LMBR1: variants seen among roughly 807,000 people sequenced by gnomAD.
The protein encoded by LMBR1 is limb region 1 protein homolog.
LMBR1 carries 52 observed loss-of-function variants against 73.9 expected under a neutral mutation model. The observed-to-expected ratio is 0.70, with a 90% CI of 0.56 to 0.89. The LOEUF is 0.89. LMBR1 is among the 40% of genes least tolerant of loss of function. The pLI, the probability that LMBR1 is intolerant of heterozygous loss-of-function variation, is 0.00. For synonymous variants in LMBR1, 215 were observed against 209.4 expected, an observed-to-expected ratio of 1.03 and a Z score of -0.23; for missense variants, 539 against 579.8, an observed-to-expected ratio of 0.93 and a Z score of 0.72.
At chr7:156,801,978 C>T (rs1384411981) in intron 4 of LMBR1, among the ~76,000 whole-genome samples, 1 of 152,152 alleles carries the variant, frequency 6.6e-6, no homozygotes, top group African/African-American at 2.4e-5. Flanking sequence ...ATAAATTCCA[C>T]CATTTCCTAA....
At chr7:156,684,475 C>T (rs745882976) in intron 16 of LMBR1, among the ~76,000 whole-genome samples, 10 of 152,164 alleles carry the variant, frequency 6.6e-5, no homozygotes, top group Non-Finnish European at 1.3e-4. Flanking sequence ...TCACAACATC[C>T]CCGAGGGCCA....
chr7:156,713,781 T>C (rs1812610385), intron 15 of LMBR1, among the ~76,000 whole-genome samples: 1 of 152,200 alleles, frequency 6.6e-6, no homozygotes, highest in Non-Finnish European at 1.5e-5. Flanking sequence ...TATACCTCAA[T>C]AAAGCTGTTA....
chr7:156,839,180 G>T (rs1421994508), intron 1 of LMBR1, among the ~76,000 whole-genome samples: 1 of 151,216 alleles, frequency 6.6e-6, no homozygotes, highest in African/African-American at 2.4e-5. Flanking sequence ...CTCCCAAGTG[G>T]CTGGGACTAC....
chr7:156,734,919 C>T (rs1419034127), intron 9 of LMBR1, among the ~76,000 whole-genome samples: 3 of 152,158 alleles, frequency 2.0e-5, no homozygotes, highest in Non-Finnish European at 4.4e-5. Context: ...ATGTTTTACA[C>T]GAATGGGGTC....
At chr7:156,725,609 T>C (rs1815575155) in intron 13 of LMBR1, 84 bp from the exon 14 acceptor site, 8 of 1,237,768 alleles carry the variant, frequency 6.5e-6, no homozygotes, top group Admixed American at 2.3e-5. Flanking sequence ...TTAAGGCCCA[T>C]AGGAAAAGCA....
intron 4 of LMBR1, among the ~76,000 whole-genome samples, chr7:156,825,916 C>G (rs1835605848): frequency 6.6e-6 from 1 of 152,152 alleles, no homozygotes; most frequent in Non-Finnish European, 1.5e-5. Flanking sequence ...TGTTTTTCCC[C>G]TTCTATATTT....
intron 1 of LMBR1, among the ~76,000 whole-genome samples, chr7:156,871,145 A>AGACT (rs1262933634): frequency 6.6e-6 from 1 of 152,204 alleles, no homozygotes; most frequent in East Asian, 1.9e-4. Context: ...AAGGATCATG[A>AGACT]GACTACTAAA....
chr7:156,694,665 C>T (rs2365515), intron 15 of LMBR1, among the ~76,000 whole-genome samples: 112,147 of 152,100 alleles, frequency 0.74, 42,380 homozygotes, highest in African/African-American at 0.92. Flanking sequence ...ATCATACAGG[C>T]AGAAAATCTT....
intron 15 of LMBR1, among the ~76,000 whole-genome samples, chr7:156,721,311 A>T (rs1251530214): frequency 6.6e-6 from 1 of 152,070 alleles, no homozygotes; most frequent in African/African-American, 2.4e-5. Flanking sequence ...CAAATAAAGA[A>T]TAACACAAAA....
At chr7:156,802,168 AG>A (rs2133455345) in intron 4 of LMBR1, among the ~76,000 whole-genome samples, 1 of 152,282 alleles carries the variant, frequency 6.6e-6, no homozygotes, top group East Asian at 1.9e-4. Flanking sequence ...TTTTCAGTGG[AG>A]ACGGAGTTTC....
At chr7:156,876,821 G>A (rs145555376) in intron 1 of LMBR1, among the ~76,000 whole-genome samples, 6,117 of 152,060 alleles carry the variant, frequency 0.04, 178 homozygotes, top group Admixed American at 0.05. Context: ...CAGCAAAGGC[G>A]GTGCTAAGAG....
chr7:156,864,404 A>C (rs898999741), intron 1 of LMBR1, among the ~76,000 whole-genome samples: 4 of 152,098 alleles, frequency 2.6e-5, no homozygotes, highest in African/African-American at 9.7e-5. Flanking sequence ...TTCAAATTTC[A>C]CTCTATATTA....
At chr7:156,784,646 A>G (rs1450799162) in intron 5 of LMBR1, among the ~76,000 whole-genome samples, 1 of 152,204 alleles carries the variant, frequency 6.6e-6, no homozygotes, top group East Asian at 1.9e-4. Context: ...CCTAAAATCA[A>G]TCTGTGAAAC....
Position 156,763,065 on chromosome 7 carries a change from C to T in LMBR1, c.619+43G>A, listed in dbSNP as rs750171680. The T allele has an allele frequency of 8.9e-6, 9 of 1,008,836 alleles. No individual in the cohort carries two copies. The African/African-American group carries it at 1.5e-4, about 17-fold the overall frequency. 62.5% of individuals were successfully genotyped at this position (1,008,836 alleles called of 1,614,324 possible). A position where few individuals can be genotyped will look rare whatever the true frequency, so the allele number is the denominator to read the frequency against. Reference sequence around the variant, plus strand: ...TTCCCTGAATTTTCCAGAATAAGGACAACTCTACTTTTCTCTTAATATCAA... The same window carrying T: ...TTCCCTGAATTTTCCAGAATAAGGATAACTCTACTTTTCTCTTAATATCAA... On this transcript the variant is annotated intron_variant, in intron 7 of 16. Coordinates refer to ENST00000353442, the MANE Select transcript of LMBR1 (RefSeq NM_022458.4).
At chr7:156,804,556 C>T (rs1831648541) in intron 4 of LMBR1, among the ~76,000 whole-genome samples, 1 of 152,216 alleles carries the variant, frequency 6.6e-6, no homozygotes, top group African/African-American at 2.4e-5. Flanking sequence ...GGCAGGTACA[C>T]AGGAATATCT....
At chr7:156,761,063 A>G (rs1056031056) in intron 8 of LMBR1, among the ~76,000 whole-genome samples, 1 of 152,228 alleles carries the variant, frequency 6.6e-6, no homozygotes, top group Non-Finnish European at 1.5e-5. Flanking sequence ...GAGGCCTTGA[A>G]GGGAAAGAGA....
intron 5 of LMBR1, among the ~76,000 whole-genome samples, chr7:156,781,587 T>C (rs1191490345): frequency 6.6e-6 from 1 of 152,182 alleles, no homozygotes; most frequent in Admixed American, 6.5e-5. Context: ...TCTGTTTAGC[T>C]AATGTGAGCT....
chr7:156,816,998 C>T (rs935302775), intron 4 of LMBR1, among the ~76,000 whole-genome samples: 1 of 151,972 alleles, frequency 6.6e-6, no homozygotes, highest in African/African-American at 2.4e-5. Context: ...GTAGTCAAAC[C>T]CTAAAAAATT....
intron 4 of LMBR1, among the ~76,000 whole-genome samples, chr7:156,815,692 T>G (rs911522679): frequency 2.0e-5 from 3 of 152,186 alleles, no homozygotes; most frequent in African/African-American, 7.2e-5. Context: ...CTAGTTTCTC[T>G]GAGTGCACAG....
Sources: gnomAD v4.1 joint callset for allele counts (sites outside exome capture counted in the v4.1 genomes callset) on GRCh38, gnomAD v4.1.1 for gene constraint, MANE v1.5 for transcripts, NCBI Gene and HGNC (gene_info 2026-07-23, HGNC 2026-07-21) for gene names.